The following KIF1B variants were observed in gnomAD, a reference collection of about 807,000 sequenced individuals.
KIF1B encodes kinesin family member 1B, also known as kinesin-like protein KIF1B.
KIF1B carries 76 observed loss-of-function variants against 241.9 expected under a neutral mutation model. The ratio of observed to expected loss-of-function variants is 0.31; its 90% CI spans 0.26 to 0.38. The LOEUF is 0.38. Among genes scored for constraint, KIF1B ranks in the 10% least tolerant of loss-of-function variants. The pLI, the probability that KIF1B is intolerant of heterozygous loss-of-function variation, is 1.00. For missense variants in KIF1B, 1,622 were observed against 2,271.4 expected (o/e 0.71, Z 5.81); for synonymous variants, 750 against 796.7 (o/e 0.94, Z 0.99).
At chr1:10,273,401 A>G (rs1487388793) in intron 10 of KIF1B, among the ~76,000 whole-genome samples, 2 of 152,118 alleles carry the variant, frequency 1.3e-5, no homozygotes, top group African/African-American at 4.8e-5. Context: ...TAAAAATACA[A>G]AAATTAGCTG....
chr1:10,371,035 A>G, intron 44 of KIF1B, 106 bp from the exon 45 acceptor site: 1 of 1,330,536 alleles, frequency 7.5e-7, no homozygotes, highest in Non-Finnish European at 1.1e-6. Context: ...ACCTTCTGAA[A>G]CAAGATGTAT....
chr1:10,249,599 G>C (rs1403021056), intron 2 of KIF1B, among the ~76,000 whole-genome samples: 2 of 152,134 alleles, frequency 1.3e-5, no homozygotes, highest in African/African-American at 2.4e-5. Flanking sequence ...TACTTTGACT[G>C]TTGGCAAGAA....
chr1:10,309,792 A>G (rs889784518), intron 22 of KIF1B, among the ~76,000 whole-genome samples: 1 of 151,568 alleles, frequency 6.6e-6, no homozygotes, highest in African/African-American at 2.4e-5. Flanking sequence ...TTTCCATTGC[A>G]TGAAAGAATC....
At chr1:10,218,186 GT>G (rs1422256794) in intron 1 of KIF1B, among the ~76,000 whole-genome samples, 1 of 152,080 alleles carries the variant, frequency 6.6e-6, no homozygotes, top group African/African-American at 2.4e-5. Context: ...TGGCTTCAGT[GT>G]CCCCTCCTGC....
At position 10,284,091 on chromosome 1, in the gene KIF1B, G is replaced by A. The variant is rs145568967; in HGVS notation, c.1434+1558G>A. ...TTTACTTACTTCAAAAGTACAGTGT[G>A]GGCCGGGCATGGTGGCTCACACCTG... On this transcript the variant is annotated intron_variant, in intron 15 of 48. Coordinates refer to ENST00000676179, the MANE Select transcript of KIF1B (RefSeq NM_001365951.3). Among the ~76,000 whole-genome samples the A allele has an allele frequency of 1.1e-3, 168 of 152,270 alleles. 1 individual carries two copies. Among genetic ancestry groups the A allele is most frequent in the African/African-American group, 3.8e-3 (157 of 41,556 alleles).
chr1:10,296,689 T>A (rs1650280670), intron 20 of KIF1B, 24 bp downstream of exon 20: 1 of 1,600,480 alleles, frequency 6.2e-7, no homozygotes, highest in South Asian at 1.1e-5. Context: ...AGGTTTGCCA[T>A]CTTCAGCAAT....
chr1:10,210,969 C>T lies in KIF1B; in HGVS notation c.-80+91C>T, dbSNP rs1192822759. 1.3e-5 allele frequency: 2 copies of T among 151,910 alleles called. No homozygotes were observed. The highest frequency in any genetic ancestry group is 1.9e-4 in the East Asian group (1 of 5,160). The allele number at this position is 151,910 out of a possible 1,614,324, so 9.4% of individuals were successfully genotyped here. A position where few individuals can be genotyped will look rare whatever the true frequency, so the allele number is the denominator to read the frequency against. ...CGGGGAGGAGCGGCCGGGCCGGGGT[C>T]CGGGCGGGGTCTGAGGGGAGGTAGC... is the stretch of plus-strand genomic sequence containing the variant. On this transcript the variant is annotated intron_variant, in intron 1 of 48. Coordinates refer to ENST00000676179, the MANE Select transcript of KIF1B (RefSeq NM_001365951.3). The surrounding 1 kb of genome is among the most constrained non-coding windows in gnomAD (Gnocchi z 4.1).
intron 41 of KIF1B, among the ~76,000 whole-genome samples, chr1:10,363,820 T>C (rs898338847): frequency 3.9e-5 from 6 of 152,372 alleles, no homozygotes; most frequent in Middle Eastern, 3.4e-3. Flanking sequence ...ATTTCTATGT[T>C]TGTAAACCGA....
In KIF1B at chr1:10,361,790, C is replaced by T; in HGVS notation, c.4269C>T (p.Ser1423=). ...TCTCACCACCACGCTCTCTGCGTAGCCTCTTTGGCAGCGGCTACTCAAAGT... is the reference window on the plus strand; with the variant it reads ...TCTCACCACCACGCTCTCTGCGTAGTCTCTTTGGCAGCGGCTACTCAAAGT... The part of the protein sequence containing the change: ...AKISPPRSLR[S]LFGSGYSKSP... The change falls in exon 40 of 49, where the codon AGC becomes AGT. Residue 1423 remains serine (S), a synonymous_variant. Transcript: ENST00000676179. The T allele has an allele frequency of 1.2e-6, 2 of 1,614,156 alleles. No individual in the cohort carries two copies. Among genetic ancestry groups the T allele is most frequent in the Non-Finnish European group, 1.7e-6 (2 of 1,180,024 alleles).
intron 23 of KIF1B, among the ~76,000 whole-genome samples, 153 bp from the exon 24 acceptor site, chr1:10,321,556 A>G (rs982034827): frequency 9.9e-5 from 15 of 152,258 alleles, no homozygotes; most frequent in African/African-American, 3.4e-4. Context: ...TATCAACAGA[A>G]TTTGGTAAGC....
intron 3 of KIF1B, 138 bp downstream of exon 3, chr1:10,256,461 A>C (rs1343059148): frequency 1.1e-5 from 8 of 705,926 alleles, no homozygotes; most frequent in Non-Finnish European, 1.8e-5. Flanking sequence ...TCTTTGATAC[A>C]GTGATATAGT....
intron 22 of KIF1B, among the ~76,000 whole-genome samples, chr1:10,311,657 C>T (rs1651070932): frequency 6.6e-6 from 1 of 151,436 alleles, no homozygotes; most frequent in African/African-American, 2.5e-5. Flanking sequence ...TTTTCTCAGT[C>T]CTCATCTTAC....
intron 2 of KIF1B, among the ~76,000 whole-genome samples, chr1:10,246,298 A>G (rs1008516955): frequency 6.6e-6 from 1 of 152,162 alleles, no homozygotes; most frequent in Non-Finnish European, 1.5e-5. Flanking sequence ...GGCCACATAT[A>G]TCAATCAGTA....
At chr1:10,304,181 G>C (rs1650697105) in intron 22 of KIF1B, 1 of 1,613,970 alleles carries the variant, frequency 6.2e-7, no homozygotes, top group African/African-American at 1.3e-5. Context: ...GCAAGGAAAG[G>C]GAATAAAGAA....
chr1:10,245,989 C>T (rs1296536799), intron 2 of KIF1B, among the ~76,000 whole-genome samples: 3 of 152,120 alleles, frequency 2.0e-5, no homozygotes, highest in South Asian at 2.1e-4. Flanking sequence ...AAAAGAGAGA[C>T]GCCCTAGATG....
At chr1:10,336,175 G>A (rs1466897894) in intron 28 of KIF1B, among the ~76,000 whole-genome samples, 1 of 152,148 alleles carries the variant, frequency 6.6e-6, no homozygotes, top group African/African-American at 2.4e-5. Flanking sequence ...TTGAGACGGA[G>A]TCTCGCTCTG....
In KIF1B at chr1:10,337,540, T is replaced by G; in HGVS notation, c.3422+7T>G. 1 of 1,614,228 alleles carries G rather than the reference T, an allele frequency of 6.2e-7. No homozygotes were observed. Among genetic ancestry groups the G allele is most frequent in the Non-Finnish European group, 8.5e-7 (1 of 1,180,028 alleles). On this transcript the variant is annotated splice_region_variant and intron_variant, in intron 31 of 48. Coordinates refer to ENST00000676179, the MANE Select transcript of KIF1B (RefSeq NM_001365951.3). This position sits in a 1 kb window ranked among gnomAD's most constrained non-coding sequence, Gnocchi z 4.0. The stretch of plus-strand genomic sequence containing the variant: ...ATATCTTCTGTCAGTTCAAGTAAGC[T>G]GCCCCTTTGCTCTGCCTCCCAGCTA...
Position 10,276,937 on chromosome 1 carries a change from C to T in KIF1B, c.1037+538C>T, listed in dbSNP as rs1443859595. On this transcript the variant is annotated intron_variant, in intron 12 of 48. Transcript: ENST00000676179. Reference sequence around the variant, plus strand: ...CTCTACTAAAAATACAAAAATGAGTCGGGCGTGGTGCCATGCACCTGTAAT... The same window carrying T: ...CTCTACTAAAAATACAAAAATGAGTTGGGCGTGGTGCCATGCACCTGTAAT... Among the ~76,000 whole-genome samples the T allele has an allele frequency of 3.3e-5, 5 of 151,972 alleles. No individual in the cohort carries two copies. The East Asian group carries it at 9.7e-4, about 29-fold the overall frequency.
intron 38 of KIF1B, among the ~76,000 whole-genome samples, chr1:10,357,515 C>T (rs1266442215): frequency 6.6e-6 from 1 of 152,148 alleles, no homozygotes; most frequent in Non-Finnish European, 1.5e-5. Context: ...AGGAAGATCA[C>T]TTGAGCCCAA....
Sources: allele counts gnomAD v4.1 joint callset (sites outside exome capture counted in the v4.1 genomes callset), GRCh38; gene constraint gnomAD v4.1.1; non-coding constraint Gnocchi (gnomAD v3.1); transcripts MANE v1.5; gene names NCBI Gene and HGNC (gene_info 2026-07-23, HGNC 2026-07-21).